The following CABIN1 variants were observed in gnomAD, a reference collection of about 807,000 sequenced individuals.
CABIN1 encodes the protein calcineurin binding protein 1.
Under a neutral mutation model 227.7 loss-of-function variants are expected in CABIN1, and 133 were observed. The ratio of observed to expected loss-of-function variants is 0.58; its 90% CI spans 0.51 to 0.67. CABIN1 has a LOEUF of 0.67. Among genes scored for constraint, CABIN1 ranks in the 30% least tolerant of loss-of-function variants. The probability of loss-of-function intolerance (pLI) is 0.00; values close to 1 mark genes in which losing one functional copy is unlikely to be tolerated. For synonymous variants in CABIN1, 1,086 were observed against 1,155.1 expected, an observed-to-expected ratio of 0.94 and a Z score of 1.21; for missense variants, 2,408 against 2,852.5, an observed-to-expected ratio of 0.84 and a Z score of 3.55.
chr22:24,171,728 C>A lies in CABIN1; in HGVS notation c.5773C>A (p.Pro1925Thr). The A allele has an allele frequency of 6.2e-7, 1 of 1,614,134 alleles. No homozygotes were observed. Among genetic ancestry groups the A allele is most frequent in the Non-Finnish European group, 8.5e-7 (1 of 1,180,030 alleles). Residue 1925 changes from proline (P) to threonine (T), a missense_variant, in exon 34 of 37, where the codon CCC becomes ACC. Physicochemically the swap from Pro to Thr is conservative, Grantham distance 38. This residue lies in a region of CABIN1 where 714 missense variants were observed against 773.8 expected (regional missense o/e 0.92). Coordinates refer to ENST00000263119, the MANE Select transcript of CABIN1 (RefSeq NM_012295.4). ...GTCCTCACAGGCCTCGGGGGACACCCCCACCACTCCAAAGCACCCCAAAGA... is the reference window on the plus strand; with the variant it reads ...GTCCTCACAGGCCTCGGGGGACACCACCACCACTCCAAAGCACCCCAAAGA... ...AAQRQASGDT[P>T]TTPKHPKDSR...
intron 34 of CABIN1, chr22:24,173,504 G>T (rs1032991043): frequency 6.6e-6 from 1 of 152,172 alleles, no homozygotes; most frequent in African/African-American, 2.4e-5. Context: ...TGTTCCCAGA[G>T]GAGCCTGTGA....
intron 34 of CABIN1, among the ~76,000 whole-genome samples, chr22:24,173,817 G>A (rs1438444391): frequency 2.6e-5 from 4 of 152,104 alleles, no homozygotes; most frequent in Non-Finnish European, 5.9e-5. Context: ...CTGGGCGACA[G>A]AGCTAGACTC....
chr22:24,013,257 T>A (rs1569061890), intron 1 of CABIN1, among the ~76,000 whole-genome samples: 1 of 134,194 alleles, frequency 7.5e-6, no homozygotes, highest in Admixed American at 8.7e-5. Context: ...AGTGCAGTGG[T>A]GCGATCTCGC....
chr22:24,139,028 G>A (rs1312411433), intron 29 of CABIN1, among the ~76,000 whole-genome samples: 1 of 152,144 alleles, frequency 6.6e-6, no homozygotes, highest in Admixed American at 6.5e-5. Context: ...CAGTAACAAG[G>A]GCTATGGGAG....
intron 17 of CABIN1, among the ~76,000 whole-genome samples, chr22:24,072,107 G>A (rs1468914776): frequency 1.3e-5 from 2 of 152,202 alleles, no homozygotes; most frequent in Non-Finnish European, 2.9e-5. Flanking sequence ...ACAGCACATA[G>A]TAGGTACTGA....
chr22:24,045,600 T>C (rs1261701466), intron 6 of CABIN1, among the ~76,000 whole-genome samples: 1 of 150,734 alleles, frequency 6.6e-6, no homozygotes, highest in African/African-American at 2.4e-5. Context: ...AGAGCGAGAC[T>C]CTGCCTCAAA....
chr22:24,014,479 C>T (rs1160189081), intron 1 of CABIN1, among the ~76,000 whole-genome samples: 1 of 151,214 alleles, frequency 6.6e-6, no homozygotes, highest in Non-Finnish European at 1.5e-5. Context: ...GTTCCAGGCT[C>T]ATCTTGTGTT....
chr22:24,168,683 G>A lies in CABIN1; in HGVS notation c.5757+162G>A, dbSNP rs1465622460. On this transcript the variant is annotated intron_variant, in intron 33 of 36. Transcript: ENST00000263119. The stretch of plus-strand genomic sequence containing the variant: ...GGGGCAGCTGAGCCTCCAGCACGTG[G>A]CCATAGTGGGCAGGAACTTGACGGC... 1.4e-5 allele frequency: 10 copies of A among 719,022 alleles called. No individual in the cohort carries two copies. In the Admixed American group the frequency reaches 2.0e-4, roughly 14 times the overall value. The allele number at this position is 719,022 out of a possible 1,614,324, so 44.5% of individuals were successfully genotyped here.
chr22:24,145,226 A>C (rs932116270), intron 29 of CABIN1, among the ~76,000 whole-genome samples: 5 of 151,818 alleles, frequency 3.3e-5, no homozygotes. Flanking sequence ...TGAATTGAGG[A>C]GCGTCTTCCA....
chr22:24,015,496 C>T (rs1371553606), intron 1 of CABIN1, among the ~76,000 whole-genome samples: 1 of 151,386 alleles, frequency 6.6e-6, no homozygotes, highest in Admixed American at 6.6e-5. Context: ...AGGCGCCCAC[C>T]ACCGCGCCTG....
intron 29 of CABIN1, among the ~76,000 whole-genome samples, chr22:24,139,283 G>T (rs540925790): frequency 1.3e-5 from 2 of 152,198 alleles, no homozygotes; most frequent in South Asian, 4.1e-4. Context: ...TTTTTAAAAA[G>T]TGCGTGTGTG....
At chr22:24,064,512 G>GT (rs782268156) in intron 15 of CABIN1, among the ~76,000 whole-genome samples, 42,591 of 106,844 alleles carry the variant, frequency 0.4, 8,945 homozygotes, top group East Asian at 0.6. Flanking sequence ...CAGCTGAAAG[G>GT]TTTTTTTTTT....
At chr22:24,034,990 A>G (rs1489439667) in intron 1 of CABIN1, among the ~76,000 whole-genome samples, 2 of 151,504 alleles carry the variant, frequency 1.3e-5, no homozygotes, top group African/African-American at 2.4e-5. Flanking sequence ...TTCCCATCAC[A>G]CCTCGCTCTC....
At chr22:24,113,115 C>A (rs193006178) in intron 26 of CABIN1, among the ~76,000 whole-genome samples, 39 of 152,350 alleles carry the variant, frequency 2.6e-4, no homozygotes, top group Middle Eastern at 3.4e-3. Context: ...TTCCTGAATT[C>A]TTTCCCACTT....
At chr22:24,165,726 C>A in intron 31 of CABIN1, 100 bp downstream of exon 31, 1 of 944,054 alleles carries the variant, frequency 1.1e-6, no homozygotes, top group Non-Finnish European at 1.7e-6. Context: ...TACCCTTAGG[C>A]AGGATGTGCC....
chr22:24,171,345 G>A (rs955432600), intron 33 of CABIN1, among the ~76,000 whole-genome samples: 1 of 152,200 alleles, frequency 6.6e-6, no homozygotes, highest in African/African-American at 2.4e-5. Context: ...CATTCCCTGG[G>A]TTGGGAGCTG....
At chr22:24,094,242 A>T (rs1221039572) in intron 24 of CABIN1, among the ~76,000 whole-genome samples, 1 of 152,198 alleles carries the variant, frequency 6.6e-6, no homozygotes, top group Non-Finnish European at 1.5e-5. Flanking sequence ...CAGGAAGATG[A>T]TGTCAACTCT....
intron 23 of CABIN1, 141 bp from the exon 24 acceptor site, chr22:24,091,442 A>G (rs942943350): frequency 3.7e-6 from 4 of 1,069,268 alleles, no homozygotes; most frequent in Middle Eastern, 2.6e-4. Flanking sequence ...CAGCTGTGAA[A>G]TGGTGAGGGC....
chr22:24,022,649 G>A (rs912444360), intron 1 of CABIN1, among the ~76,000 whole-genome samples: 1 of 152,158 alleles, frequency 6.6e-6, no homozygotes, highest in Non-Finnish European at 1.5e-5. Context: ...TGTATGTTGA[G>A]TTTTATAAGA....
Sources: allele counts gnomAD v4.1 joint callset (sites outside exome capture counted in the v4.1 genomes callset), GRCh38; gene constraint gnomAD v4.1.1; regional missense constraint gnomAD v4.1.1; transcripts MANE v1.5; gene names NCBI Gene and HGNC (gene_info 2026-07-23, HGNC 2026-07-21).